SYT16: variants seen among roughly 807,000 people sequenced by gnomAD.
SYT16 encodes synaptotagmin 16.
In SYT16, 42 loss-of-function variants were observed where a neutral mutation model predicts 61.4. The ratio of observed to expected loss-of-function variants is 0.68; its 90% CI spans 0.53 to 0.89. The LOEUF (loss-of-function observed/expected upper bound fraction) is 0.89, where lower values mean the gene tolerates loss of function less well. SYT16 is among the 40% of genes least tolerant of loss of function. The pLI, the probability that SYT16 is intolerant of heterozygous loss-of-function variation, is 0.00. For missense variants in SYT16, 804 were observed against 807.3 expected, an observed-to-expected ratio of 1.00 and a Z score of 0.05; for synonymous variants, 314 against 302.3, an observed-to-expected ratio of 1.04 and a Z score of -0.40.
intron 1 of SYT16, among the ~76,000 whole-genome samples, chr14:61,868,193 T>C (rs1016007675): frequency 6.6e-6 from 1 of 151,992 alleles, no homozygotes; most frequent in Non-Finnish European, 1.5e-5. Flanking sequence ...TAAAGAGATG[T>C]TCTTTCTCTC....
rs558868591 is a variant in SYT16 at position 62,106,779 on chromosome 14, C to T, written c.*6072C>T. 1.3e-5 allele frequency: 2 copies of T among 152,192 alleles called. No homozygotes were observed. Among genetic ancestry groups the T allele is most frequent in the East Asian group, 1.9e-4 (1 of 5,166 alleles). 9.4% of individuals were successfully genotyped at this position (152,192 alleles called of 1,614,324 possible). ...TTCCCTTGGGTCACAAAACCATATC[C>T]TAGACACACAGACAATAATCACCTT... On this transcript the variant is annotated 3_prime_UTR_variant, in exon 8 of 8. Transcript: ENST00000683842.
At chr14:61,951,997 C>T (rs1271510132) in intron 1 of SYT16, among the ~76,000 whole-genome samples, 1 of 152,114 alleles carries the variant, frequency 6.6e-6, no homozygotes, top group Non-Finnish European at 1.5e-5. Context: ...CCATGTTGCC[C>T]AGGCTGGTTT....
At chr14:61,995,805 C>T (rs1318063614) in intron 2 of SYT16, 71 bp from the exon 3 acceptor site, 3 of 426,362 alleles carry the variant, frequency 7.0e-6, no homozygotes, top group African/African-American at 2.0e-5. Context: ...TTGACATCGT[C>T]TGTAGGTATC....
At chr14:62,068,838 G>A (rs927970178) in intron 3 of SYT16, among the ~76,000 whole-genome samples, 2 of 151,750 alleles carry the variant, frequency 1.3e-5, no homozygotes, top group South Asian at 2.1e-4. Context: ...CTCTGTCACC[G>A]AGGCTGGAGT....
rs139871466 is a variant in SYT16 at position 61,870,263 on chromosome 14, T to A, written c.-325+57453T>A. 4.1e-3 allele frequency among the ~76,000 whole-genome samples: 631 copies of A among 152,322 alleles called. 3 individuals carry two copies. Among genetic ancestry groups the A allele is most frequent in the South Asian group, 5.6e-3 (27 of 4,824 alleles). On this transcript the variant is annotated intron_variant, in intron 1 of 7. Coordinates refer to ENST00000683842, the MANE Select transcript of SYT16 (RefSeq NM_001367656.1). Reference sequence around the variant, plus strand: ...ATAGACTTCTAGTTTGCCAGCTATTTTGTTCATTGCTTTAAATACGTTGTT... The same window carrying A: ...ATAGACTTCTAGTTTGCCAGCTATTATGTTCATTGCTTTAAATACGTTGTT...
intron 3 of SYT16, among the ~76,000 whole-genome samples, chr14:61,999,456 T>G (rs1255253175): frequency 6.6e-6 from 1 of 151,814 alleles, no homozygotes; most frequent in Non-Finnish European, 1.5e-5. Flanking sequence ...AATTTCTCCC[T>G]TTATTTCCTG....
intron 2 of SYT16, among the ~76,000 whole-genome samples, chr14:61,983,769 C>A (rs910980857): frequency 1.3e-5 from 2 of 152,160 alleles, no homozygotes; most frequent in Admixed American, 1.3e-4. Context: ...CTCAAGGAGT[C>A]CTCCTACGTT....
At chr14:62,091,005 C>T (rs143876217) in intron 7 of SYT16, among the ~76,000 whole-genome samples, 4,505 of 152,242 alleles carry the variant, frequency 0.03, 214 homozygotes, top group African/African-American at 0.098. Flanking sequence ...TACCTCCCAC[C>T]GGGTCCCTCC....
At chr14:61,884,589 A>C (rs904416527) in intron 1 of SYT16, among the ~76,000 whole-genome samples, 1 of 152,180 alleles carries the variant, frequency 6.6e-6, no homozygotes, top group African/African-American at 2.4e-5. Flanking sequence ...CAAAGTTGAA[A>C]AGTTCTTTGT....
intron 2 of SYT16, among the ~76,000 whole-genome samples, chr14:61,980,959 T>TG (rs1322276510): frequency 4.3e-5 from 5 of 117,152 alleles, no homozygotes; most frequent in South Asian, 5.4e-4. Context: ...TGTGTGTGTG[T>TG]TTGTGTGTGT....
At chr14:62,002,501 G>A (rs2053060454) in intron 3 of SYT16, among the ~76,000 whole-genome samples, 1 of 152,056 alleles carries the variant, frequency 6.6e-6, no homozygotes, top group Non-Finnish European at 1.5e-5. Context: ...TTGCTAGTGT[G>A]ATGTGGTTGA....
chr14:61,987,415 G>A (rs1467838722), intron 2 of SYT16, among the ~76,000 whole-genome samples: 1 of 152,148 alleles, frequency 6.6e-6, no homozygotes, highest in African/African-American at 2.4e-5. Flanking sequence ...GAAAGATCAT[G>A]AAGTTCATTT....
chr14:61,969,118 G>A (rs905010698), intron 1 of SYT16, among the ~76,000 whole-genome samples: 4 of 152,046 alleles, frequency 2.6e-5, no homozygotes, highest in African/African-American at 9.7e-5. Flanking sequence ...ATATTATTAA[G>A]GCTTTGTATT....
chr14:62,008,202 C>T (rs889499248), intron 3 of SYT16, among the ~76,000 whole-genome samples: 1 of 151,744 alleles, frequency 6.6e-6, no homozygotes, highest in Non-Finnish European at 1.5e-5. Flanking sequence ...TCGCTGGTAC[C>T]CTCTTCCCAT....
chr14:61,975,953 C>T (rs1823319239), intron 2 of SYT16, among the ~76,000 whole-genome samples: 1 of 152,202 alleles, frequency 6.6e-6, no homozygotes, highest in African/African-American at 2.4e-5. Flanking sequence ...TCCCTTCCAC[C>T]TATGAGCCTG....
At chr14:62,058,158 ATTTG>A (rs1338242916) in intron 3 of SYT16, among the ~76,000 whole-genome samples, 1 of 151,854 alleles carries the variant, frequency 6.6e-6, no homozygotes. Context: ...ATATACCACA[ATTTG>A]TTTATCTGTT....
chr14:61,901,916 C>G (rs769039926), intron 1 of SYT16, among the ~76,000 whole-genome samples: 2 of 151,978 alleles, frequency 1.3e-5, no homozygotes, highest in Admixed American at 1.3e-4. Context: ...CACACTCCAC[C>G]ACTCCCAGCT....
At chr14:62,012,643 G>A (rs75740428) in intron 3 of SYT16, among the ~76,000 whole-genome samples, 7,780 of 152,228 alleles carry the variant, frequency 0.051, 239 homozygotes, top group African/African-American at 0.08. Context: ...GTCCATTTAA[G>A]TAAATAGAGA....
intron 1 of SYT16, among the ~76,000 whole-genome samples, chr14:61,820,786 C>T (rs560138722): frequency 2.0e-5 from 3 of 152,262 alleles, no homozygotes; most frequent in Middle Eastern, 3.4e-3. Flanking sequence ...AAAGCCCCTT[C>T]AATGATGTTG....
Sources: gnomAD v4.1 joint callset for allele counts (sites outside exome capture counted in the v4.1 genomes callset) on GRCh38, gnomAD v4.1.1 for gene constraint, MANE v1.5 for transcripts, NCBI Gene and HGNC (gene_info 2026-07-23, HGNC 2026-07-21) for gene names.